Variants in RFX2 observed in about 807,000 individuals in gnomAD.
RFX2 encodes regulatory factor X2, also known as DNA-binding protein RFX2.
RFX2 carries 20 observed loss-of-function variants against 87.8 expected under a neutral mutation model. The observed-to-expected ratio is 0.23, with a 90% CI of 0.16 to 0.33. The LOEUF is 0.33. RFX2 is among the 10% of genes least tolerant of loss of function. The probability of loss-of-function intolerance (pLI) is 1.00; values close to 1 mark genes in which losing one functional copy is unlikely to be tolerated. For missense variants in RFX2, 767 were observed against 1,012.3 expected, an observed-to-expected ratio of 0.76 and a Z score of 3.29; for synonymous variants, 397 against 431.3, an observed-to-expected ratio of 0.92 and a Z score of 0.98.
chr19:6,106,563 G>T (rs2088220511), intron 1 of RFX2, among the ~76,000 whole-genome samples: 1 of 152,072 alleles, frequency 6.6e-6, no homozygotes, highest in Non-Finnish European at 1.5e-5. Flanking sequence ...TATTCATATA[G>T]TTCAGTTCAG....
In RFX2 at chr19:6,044,188, A is replaced by C. The variant is rs1415940598; in HGVS notation, c.180+5T>G. ...TTTGCACGGTGCTGCGGTGCTTGTC[A>C]TTACCTGCTGGGGTACCTGCTGAAC... On this transcript the variant is annotated splice_donor_5th_base_variant and intron_variant, in intron 3 of 17. Transcript: ENST00000303657. This position sits in a 1 kb window ranked among gnomAD's most constrained non-coding sequence, Gnocchi z 5.3. The C allele has an allele frequency of 3.9e-6, 6 of 1,542,998 alleles. No homozygotes were observed. The highest frequency in any genetic ancestry group is 5.2e-6 in the Non-Finnish European group (6 of 1,143,906).
In RFX2 at chr19:6,020,992, G is replaced by C. The variant is rs573763938; in HGVS notation, c.598-4721C>G. Among the ~76,000 whole-genome samples, 2 of 152,260 alleles carry C rather than the reference G, an allele frequency of 1.3e-5. No homozygotes were observed. The highest frequency in any genetic ancestry group is 1.3e-4 in the Admixed American group (2 of 15,294). On this transcript the variant is annotated intron_variant, in intron 6 of 17. Transcript: ENST00000303657. The surrounding 1 kb of genome is among the most constrained non-coding windows in gnomAD (Gnocchi z 5.3). ...CCCCCAACAAAGGCCTGTGGTTCTG[G>C]GCTCTTTGCAGGCACAGCCCCTGTG...
chr19:6,005,994 C>G (rs1263977769), intron 12 of RFX2, among the ~76,000 whole-genome samples: 1 of 152,218 alleles, frequency 6.6e-6, no homozygotes, highest in Non-Finnish European at 1.5e-5. Context: ...GGCCTGCATG[C>G]CCCCAGTGAA....
Position 6,021,207 on chromosome 19 carries a change from C to T in RFX2, c.598-4936G>A, listed in dbSNP as rs2086806728. ...CAGCTATTCCAACCGTCCAGGTGTG[C>T]CCTGTGTTGACATAATCCGACTTGG... On this transcript the variant is annotated intron_variant, in intron 6 of 17. Coordinates refer to ENST00000303657, the MANE Select transcript of RFX2 (RefSeq NM_000635.4). This position sits in a 1 kb window ranked among gnomAD's most constrained non-coding sequence, Gnocchi z 5.7. Among the ~76,000 whole-genome samples, 1 of 152,226 alleles carries T rather than the reference C, an allele frequency of 6.6e-6. No homozygotes were observed. Among genetic ancestry groups the T allele is most frequent in the Non-Finnish European group, 1.5e-5 (1 of 68,044 alleles).
At position 6,003,514 on chromosome 19, in the gene RFX2, C is replaced by T. The variant is rs183077498; in HGVS notation, c.1501-644G>A. On this transcript the variant is annotated intron_variant, in intron 13 of 17. Coordinates refer to ENST00000303657, the MANE Select transcript of RFX2 (RefSeq NM_000635.4). Reference sequence around the variant, plus strand: ...CATGATGGCTGGGTGAGGTGGCTCACACCTGTAATCCCGGTACTTTGGGAG... The same window carrying T: ...CATGATGGCTGGGTGAGGTGGCTCATACCTGTAATCCCGGTACTTTGGGAG... Among the ~76,000 whole-genome samples, 156 of 152,198 alleles carry T rather than the reference C, an allele frequency of 1.0e-3. 1 individual carries two copies. The highest frequency in any genetic ancestry group is 3.3e-3 in the African/African-American group (135 of 41,538).
chr19:6,040,144 C>T lies in RFX2; in HGVS notation c.358G>A (p.Ala120Thr), dbSNP rs2087087241. The T allele has an allele frequency of 6.2e-7, 1 of 1,607,748 alleles. No individual in the cohort carries two copies. The highest frequency in any genetic ancestry group is 1.1e-5 in the South Asian group (1 of 90,920). Reference protein sequence around the residue: ...EAPGGAQVTVAASSPPAVPSH... With the variant: ...EAPGGAQVTVTASSPPAVPSH... ...GGGACCGCTGGCGGGGACGAGGCTG[C>T]CACGGTCACCTGGGCACCGCCTGGG... The change falls in exon 5 of 18, where the codon GCA (alanine) becomes ACA (threonine). Residue 120 changes from alanine to threonine, a missense_variant. Around this residue, in one of 2 missense-constraint regions of RFX2, gnomAD observed 621 missense variants for 873.0 expected, o/e 0.71. Coordinates refer to ENST00000303657, the MANE Select transcript of RFX2 (RefSeq NM_000635.4). The surrounding 1 kb of genome is among the most constrained non-coding windows in gnomAD (Gnocchi z 6.1).
chr19:6,091,354 G>A (rs1431635375), intron 1 of RFX2, among the ~76,000 whole-genome samples: 1 of 151,548 alleles, frequency 6.6e-6, no homozygotes, highest in Non-Finnish European at 1.5e-5. Context: ...ATGGTGGCGT[G>A]CACCTATAGT....
chr19:6,028,708 A>T (rs1477246459), intron 5 of RFX2, among the ~76,000 whole-genome samples: 1 of 140,184 alleles, frequency 7.1e-6, no homozygotes. Flanking sequence ...ACCCTTAATT[A>T]AAAAAAAAAA....
intron 1 of RFX2, among the ~76,000 whole-genome samples, chr19:6,071,848 A>G (rs916327707): frequency 6.6e-6 from 1 of 152,234 alleles, no homozygotes; most frequent in Non-Finnish European, 1.5e-5. Flanking sequence ...TATTTTTAAA[A>G]TGTAAAAAGG....
chr19:6,009,101 G>C (rs1408902574), intron 9 of RFX2, among the ~76,000 whole-genome samples: 5 of 152,166 alleles, frequency 3.3e-5, no homozygotes, highest in Admixed American at 6.5e-5. Context: ...CTGGCACACA[G>C]CAAGTACCCA....
In RFX2 at chr19:6,011,870, G is replaced by C. The variant is rs555077241; in HGVS notation, c.899+1116C>G. Among the ~76,000 whole-genome samples, 33 of 152,346 alleles carry C rather than the reference G, an allele frequency of 2.2e-4. No individual in the cohort carries two copies. Among genetic ancestry groups the C allele is most frequent in the African/African-American group, 6.0e-4 (25 of 41,592 alleles). ...ATTGCAATGTGGCCCCTGCCCTCAGGGGGGGCACTTGTGGAGGCACACTGG... is the reference window on the plus strand; with the variant it reads ...ATTGCAATGTGGCCCCTGCCCTCAGCGGGGGCACTTGTGGAGGCACACTGG... On this transcript the variant is annotated intron_variant, in intron 8 of 17. Coordinates refer to ENST00000303657, the MANE Select transcript of RFX2 (RefSeq NM_000635.4). The surrounding 1 kb of genome is among the most constrained non-coding windows in gnomAD (Gnocchi z 4.8).
chr19:6,072,950 A>G (rs2087630304), intron 1 of RFX2: 1 of 736,790 alleles, frequency 1.4e-6, no homozygotes, highest in Non-Finnish European at 2.4e-6. Context: ...GGTATTGACA[A>G]TAGGGTTTGC....
chr19:6,040,994 C>G lies in RFX2; in HGVS notation c.261-753G>C, dbSNP rs1015706808. On this transcript the variant is annotated intron_variant, in intron 4 of 17. Transcript: ENST00000303657. The surrounding 1 kb of genome is among the most constrained non-coding windows in gnomAD (Gnocchi z 6.1). ...GCAAGCACACACGCAAAAGCACGTGCATACAGACTGGTAGAACTGAATAAG... is the reference window on the plus strand; with the variant it reads ...GCAAGCACACACGCAAAAGCACGTGGATACAGACTGGTAGAACTGAATAAG... 6.6e-6 allele frequency among the ~76,000 whole-genome samples: 1 copy of G among 152,202 alleles called. No individual in the cohort carries two copies. Among genetic ancestry groups the G allele is most frequent in the Non-Finnish European group, 1.5e-5 (1 of 68,042 alleles).
chr19:5,995,917 G>C (rs2086400061), intron 16 of RFX2, among the ~76,000 whole-genome samples: 1 of 152,226 alleles, frequency 6.6e-6, no homozygotes, highest in Non-Finnish European at 1.5e-5. Context: ...AGTCCCCTGG[G>C]TGCGGCTGCT....
chr19:6,108,120 C>G (rs761363737), intron 1 of RFX2, among the ~76,000 whole-genome samples: 7 of 152,184 alleles, frequency 4.6e-5, no homozygotes, highest in Non-Finnish European at 8.8e-5. Flanking sequence ...AACCCAAGTC[C>G]GTTGAACTGT....
intron 17 of RFX2, 122 bp from the exon 18 acceptor site, chr19:5,995,072 C>T: frequency 1.4e-6 from 1 of 735,726 alleles, no homozygotes; most frequent in South Asian, 1.7e-5. Context: ...ACATGGCAGC[C>T]TGTGGACCCC....
Position 6,012,794 on chromosome 19 carries a change from G to A in RFX2, c.899+192C>T, listed in dbSNP as rs1458903783. ...TTAAAAAAAGTCTGAAAAGTTAGCT[G>A]GAGGAGGTTGCATCCCAGCCTCCTG... On this transcript the variant is annotated intron_variant, in intron 8 of 17. Transcript: ENST00000303657. The surrounding 1 kb of genome is among the most constrained non-coding windows in gnomAD (Gnocchi z 4.6). Among the ~76,000 whole-genome samples, 1 of 152,190 alleles carries A rather than the reference G, an allele frequency of 6.6e-6. No homozygotes were observed. Among genetic ancestry groups the A allele is most frequent in the African/African-American group, 2.4e-5 (1 of 41,432 alleles).
chr19:6,076,894 T>G (rs1042683163), intron 1 of RFX2: 5 of 152,382 alleles, frequency 3.3e-5, no homozygotes, highest in African/African-American at 7.2e-5. Context: ...AACCAAGTAC[T>G]TAATACTTGT....
chr19:6,031,822 T>C (rs756339307), intron 5 of RFX2, among the ~76,000 whole-genome samples: 2 of 151,944 alleles, frequency 1.3e-5, no homozygotes, highest in Non-Finnish European at 2.9e-5. Context: ...TGCCTCTGCA[T>C]TCTTTTTTAA....
Sources: gnomAD v4.1 joint callset for allele counts (sites outside exome capture counted in the v4.1 genomes callset) on GRCh38, gnomAD v4.1.1 for gene constraint, gnomAD v4.1.1 regional missense constraint, Gnocchi (gnomAD v3.1) non-coding constraint, MANE v1.5 for transcripts, NCBI Gene and HGNC (gene_info 2026-07-23, HGNC 2026-07-21) for gene names.